Variants in RBP7 observed in about 807,000 individuals in gnomAD.
RBP7 encodes retinol binding protein 7.
Under a neutral mutation model 16.7 loss-of-function variants are expected in RBP7, and 13 were observed. The ratio of observed to expected loss-of-function variants is 0.78; its 90% confidence interval spans 0.51 to 1.24. The LOEUF (loss-of-function observed/expected upper bound fraction) is 1.24, where lower values mean the gene tolerates loss of function less well. Ranked by LOEUF, RBP7 falls within the 50% of genes most tolerant of loss-of-function variation. The pLI, the probability that RBP7 is intolerant of heterozygous loss-of-function variation, is 0.00. For missense variants in RBP7, 145 were observed against 159.5 expected (o/e 0.91, Z 0.49); for synonymous variants, 54 against 56.2 (o/e 0.96, Z 0.17).
chr1:9,998,698 G>A (rs1044851874), intron 1 of RBP7, among the ~76,000 whole-genome samples: 4 of 151,928 alleles, frequency 2.6e-5, no homozygotes, highest in African/African-American at 9.7e-5. Flanking sequence ...GTGAGGCACC[G>A]CACCGGCCAA....
intron 3 of RBP7, among the ~76,000 whole-genome samples, chr1:10,011,284 A>G (rs1570734863): frequency 1.3e-5 from 2 of 151,456 alleles, no homozygotes; most frequent in Non-Finnish European, 2.9e-5. Context: ...CTGCTTTGGG[A>G]AAAAAAAAGA....
At chr1:10,002,482 T>C (rs1322403550) in intron 1 of RBP7, among the ~76,000 whole-genome samples, 2 of 151,878 alleles carry the variant, frequency 1.3e-5, no homozygotes, top group Admixed American at 1.3e-4. Context: ...CCAGAACTTA[T>C]GCTAATTTAT....
At chr1:9,998,481 C>T (rs142075304) in intron 1 of RBP7, among the ~76,000 whole-genome samples, 4,282 of 143,902 alleles carry the variant, frequency 0.03, 205 homozygotes, top group African/African-American at 0.11. Flanking sequence ...GATCTCGGCT[C>T]ACTGCAAGCT....
chr1:10,012,939 CAAAAAAAA>C (rs760583223), intron 3 of RBP7, among the ~76,000 whole-genome samples: 1 of 71,368 alleles, frequency 1.4e-5, no homozygotes, highest in African/African-American at 4.6e-5. Context: ...GAAACTGTCT[CAAAAAAAA>C]AAAAAAAAAA....
chr1:10,010,111 C>CTGTTT (rs1222108941), intron 3 of RBP7, among the ~76,000 whole-genome samples: 23 of 152,012 alleles, frequency 1.5e-4, no homozygotes, highest in African/African-American at 2.9e-4. Flanking sequence ...ATTTTACAGC[C>CTGTTT]TGTTTTGTTT....
In RBP7 at chr1:10,003,469, C is replaced by G. The variant is rs182987794; in HGVS notation, c.74-4101C>G. Among the ~76,000 whole-genome samples, 43 of 152,206 alleles carry G rather than the reference C, an allele frequency of 2.8e-4. 1 individual carries two copies. Among genetic ancestry groups the G allele is most frequent in the African/African-American group, 9.9e-4 (41 of 41,550 alleles). ...AAACAAACAAAAACAAAAAAACCAC[C>G]CCTTACTCTGCATGTAACTAGAAGT... is the stretch of plus-strand genomic sequence containing the variant. On this transcript the variant is annotated intron_variant, in intron 1 of 3. Coordinates refer to ENST00000294435, the MANE Select transcript of RBP7 (RefSeq NM_052960.3).
intron 3 of RBP7, among the ~76,000 whole-genome samples, chr1:10,012,305 C>A (rs552323408): frequency 4.7e-4 from 71 of 150,728 alleles, no homozygotes; most frequent in African/African-American, 1.6e-3. Context: ...CGCTTGAACC[C>A]GGGAGGCAGA....
chr1:10,015,850 A>C lies in RBP7; in HGVS notation c.*18A>C. On this transcript the variant is annotated 3_prime_UTR_variant, in exon 4 of 4. Transcript: ENST00000294435. ...GAGCCTGATCCACATCCAGCAGCAG[A>C]GCCCACTTGTGGCTGCAGCTTTATG... 2.5e-6 allele frequency: 4 copies of C among 1,612,680 alleles called. No individual in the cohort carries two copies. Among genetic ancestry groups the C allele is most frequent in the Non-Finnish European group, 3.4e-6 (4 of 1,178,702 alleles).
chr1:10,004,516 C>A (rs566028839), intron 1 of RBP7, among the ~76,000 whole-genome samples: 3 of 151,836 alleles, frequency 2.0e-5, no homozygotes, highest in Non-Finnish European at 4.4e-5. Context: ...GCTGGGATTA[C>A]AGGCATGCGC....
intron 1 of RBP7, among the ~76,000 whole-genome samples, chr1:9,998,082 C>T (rs2101729872): frequency 6.6e-6 from 1 of 152,314 alleles, no homozygotes; most frequent in Admixed American, 6.5e-5. Context: ...TCCGCCTCCT[C>T]GGTTCAAGCG....
At chr1:10,013,743 G>T (rs941574457) in intron 3 of RBP7, among the ~76,000 whole-genome samples, 2 of 152,152 alleles carry the variant, frequency 1.3e-5, no homozygotes, top group African/African-American at 4.8e-5. Flanking sequence ...CCAGGAGGTG[G>T]AGGTTGCAGT....
chr1:10,003,326 T>C (rs911879010), intron 1 of RBP7, among the ~76,000 whole-genome samples: 2 of 152,128 alleles, frequency 1.3e-5, no homozygotes, highest in African/African-American at 4.8e-5. Context: ...CTCAGGAGAC[T>C]GAGGCAGGAG....
At chr1:10,001,146 T>G (rs992602054) in intron 1 of RBP7, among the ~76,000 whole-genome samples, 1 of 152,188 alleles carries the variant, frequency 6.6e-6, no homozygotes, top group Non-Finnish European at 1.5e-5. Flanking sequence ...GTGCTCCAGC[T>G]GGCATCTCAT....
chr1:10,011,666 TC>T (rs1344613477), intron 3 of RBP7, among the ~76,000 whole-genome samples: 2 of 152,184 alleles, frequency 1.3e-5, no homozygotes, highest in Non-Finnish European at 2.9e-5. Context: ...TAGAGCACTG[TC>T]CTTAAAGTTG....
chr1:10,012,973 T>G (rs1642669465), intron 3 of RBP7, among the ~76,000 whole-genome samples: 1 of 144,134 alleles, frequency 6.9e-6, no homozygotes, highest in Non-Finnish European at 1.5e-5. Flanking sequence ...AAATACCAAA[T>G]GTGTACATCC....
intron 3 of RBP7, among the ~76,000 whole-genome samples, chr1:10,011,828 A>T (rs1427850519): frequency 2.0e-5 from 3 of 152,062 alleles, no homozygotes; most frequent in Admixed American, 2.0e-4. Flanking sequence ...AAGCTGAGGC[A>T]GGCGGATCAC....
chr1:10,007,776 G>A, intron 2 of RBP7, 28 bp downstream of exon 2: 1 of 1,605,144 alleles, frequency 6.2e-7, no homozygotes, highest in East Asian at 2.2e-5. Flanking sequence ...GCCAGGTGCG[G>A]TGGATTACGC....
chr1:9,999,606 G>A (rs186034491), intron 1 of RBP7, among the ~76,000 whole-genome samples: 12 of 152,106 alleles, frequency 7.9e-5, no homozygotes, highest in South Asian at 2.1e-4. Flanking sequence ...TATCAGCAGC[G>A]TGAAAATGGA....
intron 1 of RBP7, among the ~76,000 whole-genome samples, chr1:10,006,343 C>CA (rs56080513): frequency 6.6e-6 from 1 of 151,722 alleles, no homozygotes; most frequent in Non-Finnish European, 1.5e-5. Flanking sequence ...TTGATCTCTA[C>CA]AAAAAAATAT....
Sources: gnomAD v4.1 joint callset for allele counts (sites outside exome capture counted in the v4.1 genomes callset) on GRCh38, gnomAD v4.1.1 for gene constraint, MANE v1.5 for transcripts, NCBI Gene and HGNC (gene_info 2026-07-23, HGNC 2026-07-21) for gene names.